Variants in FNDC1 observed in about 807,000 individuals in gnomAD.
FNDC1 encodes fibronectin type III domain containing 1.
Under a neutral mutation model 168.0 loss-of-function variants are expected in FNDC1, and 96 were observed. The ratio of observed to expected loss-of-function variants is 0.57; its 90% CI spans 0.48 to 0.68. The LOEUF (loss-of-function observed/expected upper bound fraction) is 0.68, where lower values mean the gene tolerates loss of function less well. Among genes scored for constraint, FNDC1 ranks in the 30% least tolerant of loss-of-function variants. The pLI, the probability that FNDC1 is intolerant of heterozygous loss-of-function variation, is 0.00. For synonymous variants in FNDC1, 1,099 were observed against 1,025.9 expected (o/e 1.07, Z -1.36); for missense variants, 2,587 against 2,482.1 (o/e 1.04, Z -0.90).
chr6:159,187,516 C>G (rs546548873), intron 1 of FNDC1, among the ~76,000 whole-genome samples: 99 of 152,284 alleles, frequency 6.5e-4, no homozygotes, highest in Non-Finnish European at 1.3e-3. Context: ...CTATTGAACC[C>G]TATGCATATT....
At chr6:159,213,658 G>A (rs1782651088) in intron 4 of FNDC1, among the ~76,000 whole-genome samples, 1 of 151,472 alleles carries the variant, frequency 6.6e-6, no homozygotes, top group Non-Finnish European at 1.5e-5. Flanking sequence ...TGTGTTCTCA[G>A]TAGATCTGCT....
intron 1 of FNDC1, among the ~76,000 whole-genome samples, chr6:159,187,581 C>T (rs994604081): frequency 5.3e-5 from 8 of 152,120 alleles, no homozygotes; most frequent in African/African-American, 1.9e-4. Flanking sequence ...ACTGTGTCTA[C>T]CCAACAGCAG....
chr6:159,222,136 C>G (rs981643832), intron 6 of FNDC1, among the ~76,000 whole-genome samples: 4 of 152,204 alleles, frequency 2.6e-5, no homozygotes, highest in African/African-American at 9.7e-5. Flanking sequence ...GAAAAAGCAT[C>G]ATAGTGGTTT....
chr6:159,202,228 AACAACG>A (rs1302866699), intron 4 of FNDC1, among the ~76,000 whole-genome samples: 1 of 152,258 alleles, frequency 6.6e-6, no homozygotes, highest in Non-Finnish European at 1.5e-5. Context: ...TTAAAACAAC[AACAACG>A]ACAACAACAA....
chr6:159,189,717 T>G (rs893759111), intron 1 of FNDC1, among the ~76,000 whole-genome samples: 3 of 152,180 alleles, frequency 2.0e-5, no homozygotes, highest in Non-Finnish European at 4.4e-5. Context: ...AGGAAAGCTA[T>G]TTGGACTTTA....
At chr6:159,239,070 A>G (rs1374361794) in intron 13 of FNDC1, among the ~76,000 whole-genome samples, 1 of 152,232 alleles carries the variant, frequency 6.6e-6, no homozygotes, top group Non-Finnish European at 1.5e-5. Context: ...TTCAGTGTCC[A>G]TACGCAAAGT....
intron 1 of FNDC1, among the ~76,000 whole-genome samples, chr6:159,183,653 G>C (rs1781929059): frequency 6.6e-6 from 1 of 152,208 alleles, no homozygotes; most frequent in South Asian, 2.1e-4. Context: ...GGCAGAGGAG[G>C]AGGAGCTGGC....
In FNDC1 at chr6:159,233,780, G is replaced by T. The variant is rs190701224; in HGVS notation, c.3268G>T (p.Asp1090Tyr). 4.9e-5 allele frequency: 75 copies of T among 1,542,482 alleles called. No individual in the cohort carries two copies. In the South Asian group the frequency reaches 8.8e-4, roughly 18 times the overall value. Residue 1090 changes from aspartate to tyrosine, a missense_variant, in exon 11 of 23, where the codon GAT (aspartate) becomes TAT (tyrosine). Transcript: ENST00000297267. The surrounding 1 kb of genome is among the most constrained non-coding windows in gnomAD (Gnocchi z 4.6). ...DDDSTEVEAQ[D>Y]VRAPAHAARA... ...CGACAGCACAGAAGTCGAGGCCCAG[G>T]ATGTGCGGGCCCCCGCGCACGCCGC...
intron 19 of FNDC1, 148 bp from the exon 20 acceptor site, chr6:159,264,827 T>G (rs1777556550): frequency 1.6e-6 from 1 of 615,060 alleles, no homozygotes; most frequent in Admixed American, 3.5e-5. Context: ...GTTTAGAAAA[T>G]AAAACCAAGG....
At chr6:159,210,610 A>G (rs1782581739) in intron 4 of FNDC1, among the ~76,000 whole-genome samples, 2 of 152,216 alleles carry the variant, frequency 1.3e-5, no homozygotes, top group South Asian at 4.1e-4. Flanking sequence ...CTGTAAATCA[A>G]TTCAAAGGTG....
At position 159,249,039 on chromosome 6, in the gene FNDC1, A is replaced by G. The variant is rs747996151; in HGVS notation, c.4691A>G (p.Asp1564Gly). 6.3e-7 allele frequency: 1 copy of G among 1,594,654 alleles called. No homozygotes were observed. Among genetic ancestry groups the G allele is most frequent in the East Asian group, 2.3e-5 (1 of 44,244 alleles). ...TTACAGAGCCTTCATATCATTTCAG[A>G]TTATGAATTTGAGACGTCAAGGCCA... is the stretch of plus-strand genomic sequence containing the variant. ...TEEAYVIYDE[D>G]YEFETSRPPT... The change falls in exon 16 of 23, where the codon GAT (aspartate) becomes GGT (glycine). Residue 1564 changes from aspartate to glycine, a missense_variant and splice_region_variant. Transcript: ENST00000297267.
At chr6:159,263,368 A>G (rs1246037464) in intron 19 of FNDC1, among the ~76,000 whole-genome samples, 1 of 152,220 alleles carries the variant, frequency 6.6e-6, no homozygotes, top group Non-Finnish European at 1.5e-5. Context: ...GTGAACATTC[A>G]TAGGATACAT....
At chr6:159,173,873 C>T (rs921761716) in intron 1 of FNDC1, among the ~76,000 whole-genome samples, 3 of 152,098 alleles carry the variant, frequency 2.0e-5, no homozygotes, top group East Asian at 1.9e-4. Context: ...CCTTGGTTCT[C>T]GGGATTAGGA....
chr6:159,194,247 C>G (rs1204661624), intron 1 of FNDC1, among the ~76,000 whole-genome samples: 1 of 152,158 alleles, frequency 6.6e-6, no homozygotes, highest in Non-Finnish European at 1.5e-5. Context: ...TTGTCATGGC[C>G]CTACCTGTCA....
chr6:159,190,316 G>T (rs1361895714), intron 1 of FNDC1, among the ~76,000 whole-genome samples: 3 of 152,212 alleles, frequency 2.0e-5, no homozygotes, highest in African/African-American at 7.2e-5. Flanking sequence ...CGCACTCCAC[G>T]CTGCAGCCGA....
intron 22 of FNDC1, 29 bp from the exon 23 acceptor site, chr6:159,271,298 G>A (rs767415855): frequency 2.0e-5 from 30 of 1,529,710 alleles, no homozygotes; most frequent in African/African-American, 6.9e-5. Flanking sequence ...GGCCTCTGAC[G>A]CTTTTCCCCT....
At chr6:159,223,762 A>G in intron 7 of FNDC1, 117 bp downstream of exon 7, 1 of 620,604 alleles carries the variant, frequency 1.6e-6, no homozygotes, top group Non-Finnish European at 2.9e-6. Flanking sequence ...TCTCTTTTGT[A>G]GCTGAATAGC....
chr6:159,215,500 C>T (rs1307284855), intron 5 of FNDC1, among the ~76,000 whole-genome samples: 1 of 152,164 alleles, frequency 6.6e-6, no homozygotes, highest in African/African-American at 2.4e-5. Flanking sequence ...GTCTTAGAAT[C>T]CTAGGACACT....
Position 159,250,506 on chromosome 6 carries a change from C to G in FNDC1, c.4835-796C>G, listed in dbSNP as rs191568923. ...TTGAGAGTTTTGCATATATAAAGCC[C>G]CAATCCCAAGTCCTTGGCATTTCTA... is the stretch of plus-strand genomic sequence containing the variant. On this transcript the variant is annotated intron_variant, in intron 16 of 22. Coordinates refer to ENST00000297267, the MANE Select transcript of FNDC1 (RefSeq NM_032532.3). Among the ~76,000 whole-genome samples the G allele has an allele frequency of 5.3e-5, 8 of 152,242 alleles. No homozygotes were observed. In the East Asian group the frequency reaches 1.5e-3, roughly 29 times the overall value.
Sources: gnomAD v4.1 joint callset for allele counts (sites outside exome capture counted in the v4.1 genomes callset) on GRCh38, gnomAD v4.1.1 for gene constraint, Gnocchi (gnomAD v3.1) non-coding constraint, MANE v1.5 for transcripts, NCBI Gene and HGNC (gene_info 2026-07-23, HGNC 2026-07-21) for gene names.